The following STN1 variants were observed in gnomAD, a reference collection of about 807,000 sequenced individuals.
The protein encoded by STN1 is CST complex subunit STN1.
In STN1, 29 loss-of-function variants were observed where a neutral mutation model predicts 45.5. That is an observed-to-expected ratio of 0.64 (90% CI 0.47 to 0.87). The LOEUF is 0.87. Among genes scored for constraint, STN1 ranks in the 40% least tolerant of loss-of-function variants. The probability of loss-of-function intolerance (pLI) is 0.00; values close to 1 mark genes in which losing one functional copy is unlikely to be tolerated. For missense variants in STN1, 376 were observed against 441.4 expected, an observed-to-expected ratio of 0.85 and a Z score of 1.33; for synonymous variants, 148 against 159.0, an observed-to-expected ratio of 0.93 and a Z score of 0.52.
At chr10:103,907,776 C>T (rs1252546371) in intron 3 of STN1, among the ~76,000 whole-genome samples, 1 of 151,768 alleles carries the variant, frequency 6.6e-6, no homozygotes, top group African/African-American at 2.4e-5. Flanking sequence ...CACTTCCAGG[C>T]ACACCACTTC....
intron 3 of STN1, among the ~76,000 whole-genome samples, chr10:103,908,522 C>G (rs567515449): frequency 6.6e-6 from 1 of 152,312 alleles, no homozygotes; most frequent in East Asian, 1.9e-4. Context: ...AGGGAGCGGC[C>G]ACCTGGCAGA....
At chr10:103,883,841 G>T (rs1362625321) in intron 9 of STN1, among the ~76,000 whole-genome samples, 1 of 152,096 alleles carries the variant, frequency 6.6e-6, no homozygotes, top group Non-Finnish European at 1.5e-5. Flanking sequence ...TATAATCCCA[G>T]AACTTTGGGA....
chr10:103,884,608 C>T (rs1843091705), intron 9 of STN1, among the ~76,000 whole-genome samples: 1 of 152,182 alleles, frequency 6.6e-6, no homozygotes, highest in Non-Finnish European at 1.5e-5. Flanking sequence ...ATCTGGCACA[C>T]AAAAGGTGCT....
At chr10:103,917,199 G>A (rs1002372050) in intron 2 of STN1, among the ~76,000 whole-genome samples, 3 of 128,924 alleles carry the variant, frequency 2.3e-5, no homozygotes, top group Admixed American at 8.6e-5. Context: ...TTTTAAGCAT[G>A]AAAGACCCTA....
At chr10:103,891,175 T>A (rs1014579303) in intron 8 of STN1, among the ~76,000 whole-genome samples, 3 of 152,140 alleles carry the variant, frequency 2.0e-5, no homozygotes, top group African/African-American at 7.2e-5. Flanking sequence ...CAAATATAGT[T>A]GTGCAAAAAT....
At chr10:103,889,403 A>G (rs908908816) in intron 8 of STN1, among the ~76,000 whole-genome samples, 2 of 152,102 alleles carry the variant, frequency 1.3e-5, no homozygotes, top group African/African-American at 4.8e-5. Flanking sequence ...TTTAAGGGAC[A>G]ACTTTCTTCT....
At chr10:103,900,253 G>T (rs1564633551) in intron 4 of STN1, 30 bp from the exon 5 acceptor site, 2 of 1,608,162 alleles carry the variant, frequency 1.2e-6, no homozygotes, top group Admixed American at 3.4e-5. Flanking sequence ...GAGGGAAAGA[G>T]AAAAAGTTAT....
In STN1 at chr10:103,899,939, A is replaced by G. The variant is rs922333874; in HGVS notation, c.457+123T>C. The G allele has an allele frequency of 2.6e-5, 19 of 717,590 alleles. No homozygotes were observed. In the East Asian group the frequency reaches 4.7e-4, roughly 18 times the overall value. 44.5% of individuals were successfully genotyped at this position (717,590 alleles called of 1,614,324 possible). On this transcript the variant is annotated intron_variant, in intron 5 of 9. Transcript: ENST00000224950. Reference sequence around the variant, plus strand: ...GAAAGCATGTTAAACAATGTAATTCACTCATTAAATAGAGTTATACCTTAA... The same window carrying G: ...GAAAGCATGTTAAACAATGTAATTCGCTCATTAAATAGAGTTATACCTTAA...
In STN1 at chr10:103,912,938, C is replaced by T. The variant is rs139589260; in HGVS notation, c.134-2316G>A. ...CACATAGGCAATCAGAGGCAGAAAG[C>T]AGAGCTGTTTGGACCCACAGAGGGC... is the stretch of plus-strand genomic sequence containing the variant. On this transcript the variant is annotated intron_variant, in intron 2 of 9. Coordinates refer to ENST00000224950, the MANE Select transcript of STN1 (RefSeq NM_024928.5). 6.1e-4 allele frequency among the ~76,000 whole-genome samples: 93 copies of T among 152,308 alleles called. 1 individual carries two copies. The highest frequency in any genetic ancestry group is 1.8e-3 in the Admixed American group (28 of 15,298).
Position 103,882,837 on chromosome 10 carries a change from C to T in STN1, c.954G>A (p.Met318Ile), listed in dbSNP as rs1269188009. Reference sequence around the variant, plus strand: ...TGTGCAGGAAGTGACAGCCCTTCTCCATGTCTGCAGGAAAAAGGTAGGTGG... The same window carrying T: ...TGTGCAGGAAGTGACAGCCCTTCTCTATGTCTGCAGGAAAAAGGTAGGTGG... ...IQQDCQKPNH[M>I]EKGCHFLHIL... Residue 318 changes from methionine to isoleucine, a missense_variant, in exon 10 of 10, where the codon ATG becomes ATA. Met to Ile is a conservative substitution (Grantham distance 10, BLOSUM62 1). Transcript: ENST00000224950. 1 of 1,610,754 alleles carries T rather than the reference C, an allele frequency of 6.2e-7. No individual in the cohort carries two copies. The highest frequency in any genetic ancestry group is 8.5e-7 in the Non-Finnish European group (1 of 1,177,758).
intron 4 of STN1, 106 bp from the exon 5 acceptor site, chr10:103,900,329 ATTCTAC>A: frequency 9.4e-7 from 1 of 1,059,404 alleles, no homozygotes; most frequent in Non-Finnish European, 1.3e-6. Flanking sequence ...ATGCTTATTT[ATTCTAC>A]TTCTGAGTAA....
chr10:103,890,996 T>C (rs1843136221), intron 8 of STN1, among the ~76,000 whole-genome samples: 1 of 152,170 alleles, frequency 6.6e-6, no homozygotes, highest in Admixed American at 6.5e-5. Flanking sequence ...AACTTTTAAC[T>C]TGAAAGAGTG....
intron 3 of STN1, among the ~76,000 whole-genome samples, chr10:103,909,490 G>GTATATATATGTATATA (rs1564635131): frequency 3.2e-5 from 1 of 31,606 alleles, no homozygotes; most frequent in Non-Finnish European, 8.2e-5. Flanking sequence ...ATATATATGT[G>GTATATATATGTATATA]TGTGTGTATA....
chr10:103,898,596 TC>T (rs1843186770), intron 6 of STN1, among the ~76,000 whole-genome samples: 1 of 152,222 alleles, frequency 6.6e-6, no homozygotes. Context: ...TATTATTTCT[TC>T]CAAGTGTTTT....
chr10:103,896,334 T>C (rs1192399708), intron 7 of STN1, among the ~76,000 whole-genome samples: 1 of 151,942 alleles, frequency 6.6e-6, no homozygotes, highest in African/African-American at 2.4e-5. Context: ...ACCAGTGACG[T>C]CAGATACAAA....
chr10:103,916,752 A>G (rs1306351246), intron 2 of STN1, among the ~76,000 whole-genome samples: 4 of 151,756 alleles, frequency 2.6e-5, no homozygotes, highest in East Asian at 1.9e-4. Context: ...TTATATTTTT[A>G]GGTAAGATAA....
intron 1 of STN1, among the ~76,000 whole-genome samples, chr10:103,917,889 G>C (rs1351762502): frequency 6.6e-6 from 1 of 152,180 alleles, no homozygotes; most frequent in East Asian, 1.9e-4. Flanking sequence ...ACCAACTTCG[G>C]AACGGCTAAA....
At chr10:103,904,067 G>A (rs981833682) in intron 4 of STN1, among the ~76,000 whole-genome samples, 4 of 142,864 alleles carry the variant, frequency 2.8e-5, no homozygotes, top group South Asian at 2.6e-4. Context: ...ATTCTGACAC[G>A]TAATGGCAAA....
intron 2 of STN1, among the ~76,000 whole-genome samples, chr10:103,912,128 C>A (rs541889236): frequency 6.0e-4 from 91 of 152,030 alleles, no homozygotes; most frequent in African/African-American, 2.1e-3. Context: ...GTGTCACCCC[C>A]AAAAAGAGAG....
Sources: allele counts gnomAD v4.1 joint callset (sites outside exome capture counted in the v4.1 genomes callset), GRCh38; gene constraint gnomAD v4.1.1; transcripts MANE v1.5; gene names NCBI Gene and HGNC (gene_info 2026-07-23, HGNC 2026-07-21).